Variants in GPC5 observed in about 807,000 individuals in gnomAD.
The protein encoded by GPC5 is glypican-5.
GPC5 carries 47 observed loss-of-function variants against 53.9 expected under a neutral mutation model. The observed-to-expected ratio is 0.87, with a 90% CI of 0.69 to 1.11. The LOEUF is 1.11. Among genes scored for constraint, GPC5 ranks in the 50% most tolerant of loss-of-function variants. The pLI is 0.00. For missense variants in GPC5, 748 were observed against 713.1 expected (o/e 1.05, Z -0.56); for synonymous variants, 286 against 263.3 (o/e 1.09, Z -0.84).
At chr13:92,856,095 A>T (rs1878988060) in intron 7 of GPC5, among the ~76,000 whole-genome samples, 1 of 152,088 alleles carries the variant, frequency 6.6e-6, no homozygotes. Context: ...ATGAACATAG[A>T]TGCAAAAATC....
intron 6 of GPC5, among the ~76,000 whole-genome samples, chr13:91,964,209 C>CG (rs2040157276): frequency 6.6e-6 from 1 of 152,130 alleles, no homozygotes; most frequent in African/African-American, 2.4e-5. Flanking sequence ...CTCACAAAGG[C>CG]AGTGCAGACC....
At chr13:92,715,001 G>T (rs866279496) in intron 7 of GPC5, among the ~76,000 whole-genome samples, 1 of 152,244 alleles carries the variant, frequency 6.6e-6, no homozygotes, top group African/African-American at 2.4e-5. Flanking sequence ...GGAGGCAGAA[G>T]TTGCAGTGAG....
intron 7 of GPC5, among the ~76,000 whole-genome samples, chr13:92,618,940 C>T (rs1884786048): frequency 6.6e-6 from 1 of 151,852 alleles, no homozygotes; most frequent in Non-Finnish European, 1.5e-5. Context: ...TATATTGACT[C>T]ACATGTTCAG....
chr13:92,074,629 C>A (rs1413993301), intron 6 of GPC5, among the ~76,000 whole-genome samples: 1 of 152,090 alleles, frequency 6.6e-6, no homozygotes, highest in Admixed American at 6.5e-5. Context: ...AATCCCAGTT[C>A]TTGATTTTCC....
At chr13:91,471,027 A>T (rs947120295) in intron 2 of GPC5, among the ~76,000 whole-genome samples, 2 of 152,172 alleles carry the variant, frequency 1.3e-5, no homozygotes, top group African/African-American at 4.8e-5. Context: ...TGTTAAAAAA[A>T]ACAAACAACC....
At chr13:92,034,233 C>T (rs1285560204) in intron 6 of GPC5, among the ~76,000 whole-genome samples, 3 of 152,082 alleles carry the variant, frequency 2.0e-5, no homozygotes, top group South Asian at 2.1e-4. Flanking sequence ...CAGCGGCTCA[C>T]GTCTGTAATC....
rs2041854362 is a variant in GPC5 at position 92,144,786 on chromosome 13, T to C, written c.1402-44T>C. 3.8e-6 allele frequency: 6 copies of C among 1,565,914 alleles called. No homozygotes were observed. The East Asian group carries it at 1.2e-4, about 30-fold the overall frequency. The stretch of plus-strand genomic sequence containing the variant: ...TTTTCTGAATAGAATTCTTATGTTA[T>C]TCAAATTTGCTATTAGTAAAGGCCT... On this transcript the variant is annotated intron_variant, in intron 6 of 7. Transcript: ENST00000377067.
intron 7 of GPC5, among the ~76,000 whole-genome samples, chr13:92,161,849 T>G (rs1424890021): frequency 6.6e-6 from 1 of 150,524 alleles, no homozygotes; most frequent in Non-Finnish European, 1.5e-5. Flanking sequence ...TGGGGATAGT[T>G]TTTATTGATT....
intron 2 of GPC5, among the ~76,000 whole-genome samples, chr13:91,549,018 C>G (rs1454273555): frequency 1.3e-5 from 2 of 152,118 alleles, no homozygotes; most frequent in Non-Finnish European, 2.9e-5. Flanking sequence ...TGCCTATAAT[C>G]CCAGCACTTT....
chr13:92,525,781 T>C (rs449674), intron 7 of GPC5, among the ~76,000 whole-genome samples: 121,428 of 151,846 alleles, frequency 0.8, 48,523 homozygotes, highest in Admixed American at 0.82. Flanking sequence ...GGTGATATTA[T>C]CCATGAGAGC....
chr13:92,093,587 T>A (rs1315903880), intron 6 of GPC5, among the ~76,000 whole-genome samples: 1 of 152,196 alleles, frequency 6.6e-6, no homozygotes, highest in Admixed American at 6.5e-5. Flanking sequence ...AAAATAAATA[T>A]CTGTTTACAA....
chr13:92,392,938 T>C (rs1594163146), intron 7 of GPC5, among the ~76,000 whole-genome samples: 2 of 152,208 alleles, frequency 1.3e-5, no homozygotes, highest in East Asian at 3.8e-4. Context: ...GGAACACTTA[T>C]ACACTGTTGA....
chr13:92,750,966 C>T (rs1350958714), intron 7 of GPC5, among the ~76,000 whole-genome samples: 3 of 152,056 alleles, frequency 2.0e-5, no homozygotes, highest in East Asian at 1.9e-4. Flanking sequence ...ATTGTTATCA[C>T]GTACATTGTT....
chr13:92,352,060 T>C (rs931606379), intron 7 of GPC5, among the ~76,000 whole-genome samples: 2 of 152,146 alleles, frequency 1.3e-5, no homozygotes, highest in African/African-American at 4.8e-5. Context: ...ATGACTTAAC[T>C]CTTGAGCTTT....
At chr13:91,705,099 C>T (rs1017613470) in intron 3 of GPC5, among the ~76,000 whole-genome samples, 3 of 152,148 alleles carry the variant, frequency 2.0e-5, no homozygotes, top group Non-Finnish European at 4.4e-5. Flanking sequence ...ATACTCCCTT[C>T]TCTGTTTTCA....
rs114236281 is a variant in GPC5, at chr13:91,623,931, T to C, written c.326-69256T>C. 8.9e-3 allele frequency among the ~76,000 whole-genome samples: 1,355 copies of C among 152,058 alleles called. 20 individuals are homozygous for C. The highest frequency in any genetic ancestry group is 0.031 in the African/African-American group (1,279 of 41,486). On this transcript the variant is annotated intron_variant, in intron 2 of 7. Transcript: ENST00000377067. ...TATATTGTCCTAAGAGATAAGAAAA[T>C]CACACTTTTTAATAATTGAGAAATA...
chr13:91,410,215 A>T (rs533898017), intron 1 of GPC5, among the ~76,000 whole-genome samples: 92 of 152,350 alleles, frequency 6.0e-4, no homozygotes, highest in African/African-American at 2.2e-3. Context: ...GTTTGTAAAC[A>T]GTAATAGTCT....
intron 7 of GPC5, among the ~76,000 whole-genome samples, chr13:92,667,127 T>C (rs1886600726): frequency 6.6e-6 from 1 of 152,184 alleles, no homozygotes; most frequent in Non-Finnish European, 1.5e-5. Context: ...AGTACCTCTC[T>C]GATCTACTGT....
At chr13:91,855,657 G>A (rs1043752137) in intron 5 of GPC5, among the ~76,000 whole-genome samples, 1 of 151,456 alleles carries the variant, frequency 6.6e-6, no homozygotes, top group African/African-American at 2.4e-5. Flanking sequence ...AAGCATGATG[G>A]TTTTTCATGA....
Sources: allele counts gnomAD v4.1 joint callset (sites outside exome capture counted in the v4.1 genomes callset), GRCh38; gene constraint gnomAD v4.1.1; transcripts MANE v1.5; gene names NCBI Gene and HGNC (gene_info 2026-07-23, HGNC 2026-07-21).